The following ZRANB3 variants were observed in gnomAD, a reference collection of about 807,000 sequenced individuals.
ZRANB3 encodes DNA annealing helicase and endonuclease ZRANB3.
ZRANB3 carries 125 observed loss-of-function variants against 133.8 expected under a neutral mutation model. The observed-to-expected ratio is 0.93, with a 90% CI of 0.81 to 1.08. The LOEUF is 1.08. ZRANB3 is among the 50% of genes least tolerant of loss of function. The pLI is 0.00. For missense variants in ZRANB3, 1,229 were observed against 1,275.5 expected, an observed-to-expected ratio of 0.96 and a Z score of 0.56; for synonymous variants, 387 against 432.7, an observed-to-expected ratio of 0.89 and a Z score of 1.31.
chr2:135,508,439 G>A (rs1270861247), intron 1 of ZRANB3, among the ~76,000 whole-genome samples: 1 of 151,832 alleles, frequency 6.6e-6, no homozygotes, highest in African/African-American at 2.4e-5. Flanking sequence ...ACCTGGCCAA[G>A]GCACAATATT....
intron 2 of ZRANB3, among the ~76,000 whole-genome samples, chr2:135,430,929 C>T (rs547598155): frequency 6.6e-6 from 1 of 152,036 alleles, no homozygotes; most frequent in Non-Finnish European, 1.5e-5. Context: ...GAAGTAGAAA[C>T]ACAGATCTAT....
intron 6 of ZRANB3, among the ~76,000 whole-genome samples, chr2:135,325,121 G>T (rs1191670398): frequency 6.6e-6 from 1 of 152,126 alleles, no homozygotes; most frequent in Non-Finnish European, 1.5e-5. Context: ...AATTCCAGCT[G>T]ACTTCTTTGC....
chr2:135,422,601 A>G (rs1688911395), intron 2 of ZRANB3, among the ~76,000 whole-genome samples: 1 of 152,188 alleles, frequency 6.6e-6, no homozygotes, highest in African/African-American at 2.4e-5. Flanking sequence ...CTTAACAGAA[A>G]AGAATGGGGA....
chr2:135,345,465 T>C lies in ZRANB3; in HGVS notation c.677+85A>G. The C allele has an allele frequency of 1.4e-5, 14 of 993,374 alleles. No homozygotes were observed. In the South Asian group the frequency reaches 2.0e-4, roughly 14 times the overall value. 61.5% of individuals were successfully genotyped at this position (993,374 alleles called of 1,614,324 possible). On this transcript the variant is annotated intron_variant, in intron 6 of 20. Transcript: ENST00000264159. Reference sequence around the variant, plus strand: ...CCTGGGCGATGGGAGTGAGACTCTGTCTCAAAAAAAAAAAGAATGATTAAT... The same window carrying C: ...CCTGGGCGATGGGAGTGAGACTCTGCCTCAAAAAAAAAAAGAATGATTAAT...
Position 135,353,466 on chromosome 2 carries a change from T to C in ZRANB3, c.343A>G (p.Asn115Asp), listed in dbSNP as rs1685298077. ...LSPEEINVIQNKTDVRRMSTS... is the reference protein window; with the variant it reads ...LSPEEINVIQDKTDVRRMSTS... ...TGTTCTTACCTAACATCAGTTTTAT[T>C]CTGAATAACATTGATTTCTTCTGGA... Residue 115 changes from asparagine (N) to aspartate (D), a missense_variant, in exon 4 of 21, where the codon AAT becomes GAT. Coordinates refer to ENST00000264159, the MANE Select transcript of ZRANB3 (RefSeq NM_032143.4). The C allele has an allele frequency of 6.3e-6, 10 of 1,589,284 alleles. 1 individual carries two copies. In the Admixed American group the frequency reaches 1.8e-4, roughly 29 times the overall value.
Position 135,230,645 on chromosome 2 carries a change from C to T in ZRANB3, c.1822G>A (p.Val608Ile). The T allele has an allele frequency of 6.2e-7, 1 of 1,613,750 alleles. No homozygotes were observed. The highest frequency in any genetic ancestry group is 8.5e-7 in the Non-Finnish European group (1 of 1,179,822). Residue 608 changes from valine to isoleucine, a missense_variant, in exon 13 of 21, where the codon GTA (valine) becomes ATA (isoleucine). Val to Ile is a conservative substitution (Grantham distance 29). Transcript: ENST00000264159. ...KQIRTPLVESVQEAKAQLTTP... is the reference protein window; with the variant it reads ...KQIRTPLVESIQEAKAQLTTP... ...GTTAACTGGGCCTTGGCCTCCTGTACACTTTCCACGAGTGGAGTTCGGATT... is the reference window on the plus strand; with the variant it reads ...GTTAACTGGGCCTTGGCCTCCTGTATACTTTCCACGAGTGGAGTTCGGATT...
chr2:135,333,104 A>G (rs1447168646), intron 6 of ZRANB3, among the ~76,000 whole-genome samples: 2 of 152,186 alleles, frequency 1.3e-5, no homozygotes, highest in African/African-American at 4.8e-5. Flanking sequence ...TGATTACTAG[A>G]GCTGTTAACA....
chr2:135,217,452 AG>A lies in ZRANB3; in HGVS notation c.2495+12del. 1.6e-5 allele frequency: 26 copies of A among 1,587,996 alleles called. No homozygotes were observed. Among genetic ancestry groups the A allele is most frequent in the Non-Finnish European group, 2.2e-5 (26 of 1,170,936 alleles). ...GTAATATAATACAAAATTTAAAAAA[AG>A]ACAACTCATACCTTTTGGTGCAATT... On this transcript the variant is annotated intron_variant, in intron 17 of 20. Coordinates refer to ENST00000264159, the MANE Select transcript of ZRANB3 (RefSeq NM_032143.4).
At chr2:135,401,406 C>T (rs1050733374) in intron 2 of ZRANB3, among the ~76,000 whole-genome samples, 18 of 152,072 alleles carry the variant, frequency 1.2e-4, no homozygotes, top group South Asian at 4.1e-4. Context: ...TCGATAAAAA[C>T]GGCCTTAGAA....
chr2:135,352,300 C>T lies in ZRANB3; in HGVS notation c.359+1150G>A, dbSNP rs538582210. On this transcript the variant is annotated intron_variant, in intron 4 of 20. Coordinates refer to ENST00000264159, the MANE Select transcript of ZRANB3 (RefSeq NM_032143.4). ...TGAGCCGACATGGTGCCACTGCATT[C>T]CAGCCTGGGCGATAGAGTGACACTC... 1.9e-4 allele frequency among the ~76,000 whole-genome samples: 29 copies of T among 151,480 alleles called. No individual in the cohort carries two copies. The South Asian group carries it at 6.1e-3, about 32-fold the overall frequency.
intron 14 of ZRANB3, among the ~76,000 whole-genome samples, chr2:135,224,810 C>T (rs992904098): frequency 1.3e-5 from 2 of 152,054 alleles, no homozygotes; most frequent in African/African-American, 4.8e-5. Context: ...GAAGAATTTC[C>T]ACCAATAAGA....
At chr2:135,208,717 G>A in intron 18 of ZRANB3, 151 bp downstream of exon 18, 1 of 609,758 alleles carries the variant, frequency 1.6e-6, no homozygotes, top group Non-Finnish European at 2.9e-6. Context: ...TCAACAGGTT[G>A]CTAGGACAAC....
In ZRANB3 at chr2:135,227,990, A is replaced by G; in HGVS notation, c.1980T>C (p.His660=). ...CATCCTTCTCGTTTTTATCCTGGAT[A>G]TGGTTGAGGCTATCTATTTGCATAA... ...SAVMQIDSLN[H]IQDKNEKDDS... is the part of the protein sequence containing the mutation. The change falls in exon 14 of 21, where the codon CAT becomes CAC. Residue 660 remains histidine (H), a synonymous_variant. Coordinates refer to ENST00000264159, the MANE Select transcript of ZRANB3 (RefSeq NM_032143.4). The G allele has an allele frequency of 3.2e-6, 5 of 1,551,712 alleles. No individual in the cohort carries two copies. Among genetic ancestry groups the G allele is most frequent in the South Asian group, 2.4e-5 (2 of 83,994 alleles).
chr2:135,300,575 T>C (rs1428699996), intron 8 of ZRANB3, among the ~76,000 whole-genome samples: 1 of 152,194 alleles, frequency 6.6e-6, no homozygotes, highest in Non-Finnish European at 1.5e-5. Context: ...CTCCTATTTT[T>C]TCACAATTTT....
intron 3 of ZRANB3, among the ~76,000 whole-genome samples, chr2:135,361,324 A>G (rs1375879166): frequency 6.6e-6 from 1 of 152,244 alleles, no homozygotes; most frequent in African/African-American, 2.4e-5. Context: ...CCAGGTAGCT[A>G]CATAAGAATT....
chr2:135,321,700 G>A (rs56003886), intron 6 of ZRANB3, among the ~76,000 whole-genome samples: 6,729 of 152,040 alleles, frequency 0.044, 499 homozygotes, highest in African/African-American at 0.15. Flanking sequence ...GGGTGGTCTC[G>A]AACTCCTGAC....
chr2:135,441,242 A>C (rs1479233775), intron 2 of ZRANB3, among the ~76,000 whole-genome samples: 1 of 152,118 alleles, frequency 6.6e-6, no homozygotes, highest in African/African-American at 2.4e-5. Flanking sequence ...GAGAAAAACA[A>C]TTTATTATGT....
chr2:135,247,689 G>A (rs1319212270), intron 12 of ZRANB3, among the ~76,000 whole-genome samples: 6 of 152,100 alleles, frequency 3.9e-5, no homozygotes, highest in South Asian at 2.1e-4. Flanking sequence ...CCATTTCCAC[G>A]GCAACTCACT....
chr2:135,321,824 T>C (rs1683540735), intron 6 of ZRANB3, among the ~76,000 whole-genome samples: 2 of 152,200 alleles, frequency 1.3e-5, no homozygotes, highest in South Asian at 4.1e-4. Context: ...TGTGTACTTA[T>C]AAATTTATAT....
Sources: allele counts gnomAD v4.1 joint callset (sites outside exome capture counted in the v4.1 genomes callset), GRCh38; gene constraint gnomAD v4.1.1; transcripts MANE v1.5; gene names NCBI Gene and HGNC (gene_info 2026-07-23, HGNC 2026-07-21).